SP100: variants seen among roughly 807,000 people sequenced by gnomAD.
SP100 encodes the protein SP100 nuclear body protein, also known as nuclear autoantigen Sp-100.
SP100 carries 84 observed loss-of-function variants against 130.0 expected under a neutral mutation model. That is an observed-to-expected ratio of 0.65 (90% confidence interval 0.54 to 0.77). The LOEUF (loss-of-function observed/expected upper bound fraction) is 0.77. Ranked by LOEUF, SP100 falls within the 30% of genes least tolerant of loss-of-function variation. SP100 has a pLI of 0.00. For missense variants in SP100, 978 were observed against 1,052.2 expected (o/e 0.93, Z 0.97); for synonymous variants, 331 against 351.7 (o/e 0.94, Z 0.66).
intron 8 of SP100, among the ~76,000 whole-genome samples, chr2:230,456,079 G>A (rs1427114308): frequency 2.0e-5 from 3 of 152,212 alleles, no homozygotes; most frequent in African/African-American, 7.2e-5. Flanking sequence ...AGCATTTCTT[G>A]TAAGACAGGT....
chr2:230,515,614 GA>G, intron 24 of SP100: 1 of 1,601,230 alleles, frequency 6.2e-7, no homozygotes. Flanking sequence ...ACAAGAGGAG[GA>G]AAATGAAGAA....
chr2:230,528,958 C>T (rs559310675), intron 24 of SP100, among the ~76,000 whole-genome samples: 14 of 152,246 alleles, frequency 9.2e-5, no homozygotes, highest in Admixed American at 2.6e-4. Flanking sequence ...CCAAAAAAGT[C>T]CAGGACCAGA....
chr2:230,541,621 AG>A (rs1312531564), intron 27 of SP100, among the ~76,000 whole-genome samples: 1 of 152,170 alleles, frequency 6.6e-6, no homozygotes, highest in East Asian at 1.9e-4. Context: ...TAGGTGTCAG[AG>A]ACGACACAGG....
At chr2:230,472,958 G>C (rs372139964) in intron 15 of SP100, among the ~76,000 whole-genome samples, 3 of 152,120 alleles carry the variant, frequency 2.0e-5, no homozygotes, top group African/African-American at 4.8e-5. Context: ...GTGTCAGAAG[G>C]CTCCTGTTGG....
chr2:230,422,823 G>A (rs2062808925), intron 2 of SP100, among the ~76,000 whole-genome samples: 1 of 152,048 alleles, frequency 6.6e-6, no homozygotes, highest in Admixed American at 6.6e-5. Flanking sequence ...ACACCTACAT[G>A]GTCATGCCAT....
intron 8 of SP100, among the ~76,000 whole-genome samples, chr2:230,452,703 G>A (rs2064057900): frequency 6.6e-6 from 1 of 151,266 alleles, no homozygotes; most frequent in East Asian, 1.9e-4. Context: ...AAATTGGATT[G>A]TTTTCTTGAT....
intron 17 of SP100, among the ~76,000 whole-genome samples, chr2:230,488,613 C>T (rs1275656139): frequency 1.3e-5 from 2 of 152,136 alleles, no homozygotes; most frequent in African/African-American, 2.4e-5. Context: ...TGGGGTTTCA[C>T]TGTGTTAGCC....
At chr2:230,532,706 A>C in intron 24 of SP100, among the ~76,000 whole-genome samples, 1 of 152,228 alleles carries the variant, frequency 6.6e-6, no homozygotes, top group East Asian at 1.9e-4. Context: ...CTGATTAGAA[A>C]GTTACCTAAT....
At chr2:230,461,195 G>C in intron 8 of SP100, 67 bp from the exon 9 acceptor site, 1 of 1,482,732 alleles carries the variant, frequency 6.7e-7, no homozygotes. Context: ...GAGAGGGGGA[G>C]TTATTAATGA....
chr2:230,531,168 C>A (rs1359798563), intron 24 of SP100, among the ~76,000 whole-genome samples: 1 of 152,116 alleles, frequency 6.6e-6, no homozygotes, highest in African/African-American at 2.4e-5. Flanking sequence ...TGGAACCAAC[C>A]CAAATGTCCA....
chr2:230,423,276 T>G (rs2149860039), intron 2 of SP100, among the ~76,000 whole-genome samples: 1 of 152,306 alleles, frequency 6.6e-6, no homozygotes, highest in Admixed American at 6.5e-5. Context: ...TAGATTCTCT[T>G]CTTATTGGGA....
intron 8 of SP100, among the ~76,000 whole-genome samples, chr2:230,451,411 A>G (rs2063978178): frequency 6.6e-6 from 1 of 152,206 alleles, no homozygotes; most frequent in South Asian, 2.1e-4. Flanking sequence ...ATTTTTTCAC[A>G]TACCTGTTAG....
intron 24 of SP100, chr2:230,515,876 A>G (rs768392865): frequency 4.2e-5 from 53 of 1,250,228 alleles, no homozygotes; most frequent in Non-Finnish European, 5.0e-5. Context: ...GTAAATTGGC[A>G]TGGAAATTTA....
At chr2:230,513,076 A>T (rs578237104) in intron 24 of SP100, among the ~76,000 whole-genome samples, 1 of 152,278 alleles carries the variant, frequency 6.6e-6, no homozygotes, top group African/African-American at 2.4e-5. Context: ...CCCACCACTA[A>T]CCTTCTGCTG....
chr2:230,432,170 C>T (rs1293398607), intron 2 of SP100, among the ~76,000 whole-genome samples: 5 of 152,102 alleles, frequency 3.3e-5, no homozygotes, highest in Admixed American at 3.3e-4. Context: ...GTTATTTCAT[C>T]GAACGTAATA....
chr2:230,466,590 T>G (rs999542034), intron 12 of SP100, among the ~76,000 whole-genome samples: 3 of 152,132 alleles, frequency 2.0e-5, no homozygotes, highest in African/African-American at 7.2e-5. Context: ...AACAGAAGGT[T>G]TTTTATTTTT....
At chr2:230,441,596 T>C (rs894913535) in intron 2 of SP100, among the ~76,000 whole-genome samples, 1 of 152,152 alleles carries the variant, frequency 6.6e-6, no homozygotes, top group African/African-American at 2.4e-5. Context: ...TCAACATGAA[T>C]GATAAGCAAA....
At chr2:230,465,228 T>A (rs1296300233) in intron 11 of SP100, among the ~76,000 whole-genome samples, 3 of 148,940 alleles carry the variant, frequency 2.0e-5, no homozygotes, top group Admixed American at 2.0e-4. Flanking sequence ...AGAGCAAGAC[T>A]CCATCTCAAA....
At chr2:230,425,003 C>A (rs2062881666) in intron 2 of SP100, among the ~76,000 whole-genome samples, 1 of 151,824 alleles carries the variant, frequency 6.6e-6, no homozygotes, top group South Asian at 2.1e-4. Flanking sequence ...GTTGTGATTA[C>A]CTTTCTTTTG....
Sources: allele counts gnomAD v4.1 joint callset (sites outside exome capture counted in the v4.1 genomes callset), GRCh38; gene constraint gnomAD v4.1.1; transcripts MANE v1.5; gene names NCBI Gene and HGNC (gene_info 2026-07-23, HGNC 2026-07-21).